The following ESPL1 variants were observed in gnomAD, a reference collection of about 807,000 sequenced individuals.
ESPL1 encodes separin.
ESPL1 carries 50 observed loss-of-function variants against 217.2 expected under a neutral mutation model. That is an observed-to-expected ratio of 0.23 (90% CI 0.18 to 0.29). The LOEUF (loss-of-function observed/expected upper bound fraction) is 0.29, where lower values mean the gene tolerates loss of function less well. Ranked by LOEUF, ESPL1 falls within the 10% of genes least tolerant of loss-of-function variation. The pLI is 1.00. For missense variants in ESPL1, 1,834 were observed against 2,603.0 expected (o/e 0.70, Z 6.43); for synonymous variants, 994 against 1,081.3 (o/e 0.92, Z 1.58).
chr12:53,276,973 A>G (rs1332701332), intron 8 of ESPL1, 110 bp from the exon 9 acceptor site: 8 of 1,553,280 alleles, frequency 5.2e-6, no homozygotes, highest in Non-Finnish European at 3.5e-6. Flanking sequence ...TCTTGTGGCC[A>G]TGGGAGCACA....
intron 18 of ESPL1, chr12:53,287,524 C>T (rs538865758): frequency 6.5e-6 from 1 of 154,940 alleles, no homozygotes; most frequent in South Asian, 2.0e-4. Flanking sequence ...GCCACCACAC[C>T]CAGCTTATTT....
At chr12:53,290,490 G>C (rs1944034960) in intron 24 of ESPL1, 21 bp downstream of exon 24, 6 of 1,610,884 alleles carry the variant, frequency 3.7e-6, no homozygotes, top group Middle Eastern at 1.7e-4. Flanking sequence ...CTGGGGTGGG[G>C]TCAGGCCTGC....
At chr12:53,291,100 CGA>C (rs1289610292) in intron 25 of ESPL1, 104 bp downstream of exon 25, 1 of 970,108 alleles carries the variant, frequency 1.0e-6, no homozygotes, top group Non-Finnish European at 1.5e-6. Flanking sequence ...CTCAGGAGCT[CGA>C]GACCAGCCTG....
chr12:53,288,840 T>A, intron 20 of ESPL1, 141 bp downstream of exon 20: 1 of 653,936 alleles, frequency 1.5e-6, no homozygotes, highest in Non-Finnish European at 2.5e-6. Context: ...ACTCTGTCTA[T>A]GAGCTGTGTG....
At chr12:53,270,181 C>A in intron 3 of ESPL1, 96 bp downstream of exon 3, 1 of 1,139,764 alleles carries the variant, frequency 8.8e-7, no homozygotes, top group East Asian at 2.4e-5. Flanking sequence ...TGGCTCCCTC[C>A]TTGTTAAGCT....
At chr12:53,290,813 G>A (rs757631255) in intron 24 of ESPL1, 28 bp from the exon 25 acceptor site, 18 of 1,566,578 alleles carry the variant, frequency 1.1e-5, no homozygotes, top group Non-Finnish European at 1.6e-5. Context: ...TTTCCTCTCT[G>A]ACTGAAGGGT....
chr12:53,270,351 A>C, intron 3 of ESPL1, 27 bp from the exon 4 acceptor site: 2 of 1,518,156 alleles, frequency 1.3e-6, no homozygotes, highest in Non-Finnish European at 1.8e-6. Context: ...TCTACTCCTC[A>C]TACCAACCTT....
intron 12 of ESPL1, 73 bp from the exon 13 acceptor site, chr12:53,281,434 A>C: frequency 6.6e-7 from 1 of 1,516,736 alleles, no homozygotes; most frequent in African/African-American, 1.4e-5. Context: ...CCACATGGCC[A>C]CCCTTATTTA....
chr12:53,291,591 A>G (rs1944061352), intron 25 of ESPL1, 99 bp from the exon 26 acceptor site: 1 of 1,377,208 alleles, frequency 7.3e-7, no homozygotes. Context: ...ACTCTGTCAA[A>G]AAAAAAAGAA....
rs1474571859 is a variant in ESPL1 at position 53,269,270 on chromosome 12, G to A, written c.328G>A (p.Ala110Thr). ...ILFVLLRNAAAQGSPEATLRL... is the reference protein window; with the variant it reads ...ILFVLLRNAATQGSPEATLRL... Reference sequence around the variant, plus strand: ...CTTTGTCTTACTGCGGAATGCTGCTGCACAAGGAAGCCCAGAGGCCACACT... The same window carrying A: ...CTTTGTCTTACTGCGGAATGCTGCTACACAAGGAAGCCCAGAGGCCACACT... The change falls in exon 3 of 31, where the codon GCA becomes ACA. Residue 110 changes from alanine (A) to threonine (T), a missense_variant. Coordinates refer to ENST00000257934, the MANE Select transcript of ESPL1 (RefSeq NM_012291.5). This position sits in a 1 kb window ranked among gnomAD's most constrained non-coding sequence, Gnocchi z 6.7. 1 of 1,614,062 alleles carries A rather than the reference G, an allele frequency of 6.2e-7. No homozygotes were observed. Among genetic ancestry groups the A allele is most frequent in the African/African-American group, 1.3e-5 (1 of 74,920 alleles).
intron 13 of ESPL1, 99 bp downstream of exon 13, chr12:53,281,725 G>A: frequency 8.3e-7 from 1 of 1,204,042 alleles, no homozygotes; most frequent in Non-Finnish European, 1.2e-6. Context: ...CCTGGAGCTA[G>A]GCAGTATGTT....
Position 53,269,153 on chromosome 12 carries a change from C to A in ESPL1, c.211C>A (p.Leu71Met), listed in dbSNP as rs1232091755. ...TGCTAAGCTAGCTTGCCCTAGGCATCTGGGGAGCCTGCTGGAGCTGGCAGA... is the reference window on the plus strand; with the variant it reads ...TGCTAAGCTAGCTTGCCCTAGGCATATGGGGAGCCTGCTGGAGCTGGCAGA... Reference protein sequence around the residue: ...LTAKLACPRHLGSLLELAELA... With the variant: ...LTAKLACPRHMGSLLELAELA... The change falls in exon 3 of 31, where the codon CTG becomes ATG. Residue 71 changes from leucine (L) to methionine (M), a missense_variant. Physicochemically the swap from Leu to Met is conservative, Grantham distance 15 (BLOSUM62 2). Around this residue, in one of 5 missense-constraint regions of ESPL1, gnomAD observed 746 missense variants for 1,077.0 expected, o/e 0.69. Coordinates refer to ENST00000257934, the MANE Select transcript of ESPL1 (RefSeq NM_012291.5). The surrounding 1 kb of genome is among the most constrained non-coding windows in gnomAD (Gnocchi z 6.7). 1 of 1,614,090 alleles carries A rather than the reference C, an allele frequency of 6.2e-7. No individual in the cohort carries two copies. The highest frequency in any genetic ancestry group is 8.5e-7 in the Non-Finnish European group (1 of 1,180,044).
Position 53,274,934 on chromosome 12 carries a change from A to G in ESPL1, c.1624A>G (p.Met542Val). Residue 542 changes from methionine to valine, a missense_variant, in exon 7 of 31, where the codon ATG becomes GTG. By Grantham distance (21) the Met-to-Val change is conservative. Around this residue, in one of 5 missense-constraint regions of ESPL1, gnomAD observed 746 missense variants for 1,077.0 expected, o/e 0.69. Coordinates refer to ENST00000257934, the MANE Select transcript of ESPL1 (RefSeq NM_012291.5). Reference sequence around the variant, plus strand: ...CCTGCAACCCTGTAGCCCTGAACACATGGCTGAGCCAGTCACTTTCTGGGT... The same window carrying G: ...CCTGCAACCCTGTAGCCCTGAACACGTGGCTGAGCCAGTCACTTTCTGGGT... ...AALQPCSPEH[M>V]AEPVTFWVRV... 2 of 1,601,966 alleles carry G rather than the reference A, an allele frequency of 1.2e-6. No homozygotes were observed. Among genetic ancestry groups the G allele is most frequent in the Non-Finnish European group, 1.7e-6 (2 of 1,174,646 alleles).
rs1006994268 is a variant in ESPL1, at chr12:53,290,276, TTC to T, written c.5241+66_5241+67del. Reference sequence around the variant, plus strand: ...TGGGCTTCGGGTCAAGCTGCTCACATTCTGTGTTGAGGGAGGGAGAGATGGTG... The same window carrying T: ...TGGGCTTCGGGTCAAGCTGCTCACATTGTGTTGAGGGAGGGAGAGATGGTG... On this transcript the variant is annotated intron_variant, in intron 23 of 30. Transcript: ENST00000257934. The T allele has an allele frequency of 9.3e-6, 15 of 1,610,910 alleles. No individual in the cohort carries two copies. The African/African-American group carries it at 2.0e-4, about 22-fold the overall frequency.
chr12:53,293,489 C>A lies in ESPL1; in HGVS notation c.*15C>A. 1 of 1,590,126 alleles carries A rather than the reference C, an allele frequency of 6.3e-7. No homozygotes were observed. ...CTCTGCGGTAACCCCATGGAGCTGT[C>A]TTATTGATGCTAGAAGCCTCATAAC... is the stretch of plus-strand genomic sequence containing the variant. On this transcript the variant is annotated 3_prime_UTR_variant, in exon 31 of 31. Coordinates refer to ENST00000257934, the MANE Select transcript of ESPL1 (RefSeq NM_012291.5). The surrounding 1 kb of genome is among the most constrained non-coding windows in gnomAD (Gnocchi z 4.2).
intron 6 of ESPL1, chr12:53,274,034 T>C: frequency 6.6e-6 from 1 of 151,792 alleles, no homozygotes; most frequent in Non-Finnish European, 1.5e-5. Flanking sequence ...TTTGTATTTT[T>C]AGTAGAGACG....
chr12:53,277,449 T>C, intron 9 of ESPL1, 21 bp from the exon 10 acceptor site: 2 of 1,611,486 alleles, frequency 1.2e-6, no homozygotes, highest in Middle Eastern at 1.7e-4. Flanking sequence ...CCCTGTTTTA[T>C]ACCCCGATCT....
chr12:53,281,393 C>T, intron 12 of ESPL1, 114 bp from the exon 13 acceptor site: 15 of 1,034,720 alleles, frequency 1.4e-5, no homozygotes, highest in Non-Finnish European at 2.1e-5. Flanking sequence ...CCCACCTTGG[C>T]CTCCCAAAGT....
Position 53,282,529 on chromosome 12 carries a change from T to C in ESPL1, c.2791+94T>C, listed in dbSNP as rs1943880561. ...AACCTCATCCCCTCTGCTGGCTAAC[T>C]ATGTGGCCCAGCCTACCTAGAACCT... On this transcript the variant is annotated intron_variant, in intron 14 of 30. Transcript: ENST00000257934. This position sits in a 1 kb window ranked among gnomAD's most constrained non-coding sequence, Gnocchi z 4.0. 8.3e-7 allele frequency: 1 copy of C among 1,206,576 alleles called. No individual in the cohort carries two copies. The highest frequency in any genetic ancestry group is 1.2e-6 in the Non-Finnish European group (1 of 843,932). 74.7% of individuals were successfully genotyped at this position (1,206,576 alleles called of 1,614,324 possible).
Sources: gnomAD v4.1 joint callset for allele counts on GRCh38, gnomAD v4.1.1 for gene constraint, gnomAD v4.1.1 regional missense constraint, Gnocchi (gnomAD v3.1) non-coding constraint, MANE v1.5 for transcripts, NCBI Gene and HGNC (gene_info 2026-07-23, HGNC 2026-07-21) for gene names.